Variants in KLB observed in about 807,000 individuals in gnomAD.
KLB encodes beta-klotho.
A neutral mutation model predicts 88.4 loss-of-function variants in KLB; 44 were observed. The ratio of observed to expected loss-of-function variants is 0.50; its 90% CI spans 0.39 to 0.64. The LOEUF (loss-of-function observed/expected upper bound fraction) is 0.64, where lower values mean the gene tolerates loss of function less well. Ranked by LOEUF, KLB falls within the 30% of genes least tolerant of loss-of-function variation. The pLI, the probability that KLB is intolerant of heterozygous loss-of-function variation, is 0.00. For synonymous variants in KLB, 548 were observed against 513.4 expected (o/e 1.07, Z -0.91); for missense variants, 1,137 against 1,304.8 (o/e 0.87, Z 1.98).
rs1742744681 is a variant in KLB at position 39,407,090 on chromosome 4, A to G, written c.141A>G (p.Leu47=). ...TCATCCTGTCAGCACTTATTCTGCT[A>G]CGAGCTGTTACTGGATTCTCTGGAG... ...RSVILSALIL[L]RAVTGFSGDG... The change falls in exon 1 of 5, where the codon CTA becomes CTG. Residue 47 remains leucine, a synonymous_variant. Transcript: ENST00000257408. The G allele has an allele frequency of 6.2e-7, 1 of 1,614,170 alleles. No homozygotes were observed. The highest frequency in any genetic ancestry group is 8.5e-7 in the Non-Finnish European group (1 of 1,179,988).
At chr4:39,434,824 T>G (rs981695680) in intron 2 of KLB, 104 bp downstream of exon 2, 144 of 903,734 alleles carry the variant, frequency 1.6e-4, no homozygotes, top group Non-Finnish European at 2.3e-4. Flanking sequence ...TTTTTTTTTT[T>G]GAAACGGAGT....
intron 1 of KLB, among the ~76,000 whole-genome samples, chr4:39,421,647 C>G (rs1404274512): frequency 6.6e-6 from 1 of 152,028 alleles, no homozygotes; most frequent in Non-Finnish European, 1.5e-5. Flanking sequence ...TCCAGCTACT[C>G]GAGAGACTGA....
At chr4:39,411,262 C>A (rs1742835356) in intron 1 of KLB, among the ~76,000 whole-genome samples, 1 of 150,806 alleles carries the variant, frequency 6.6e-6, no homozygotes, top group Non-Finnish European at 1.5e-5. Flanking sequence ...GTTGGTCAGG[C>A]TGGTCTGGAA....
chr4:39,407,729 G>A lies in KLB; in HGVS notation c.780G>A (p.Lys260=). Residue 260 remains lysine, a synonymous_variant, in exon 1 of 5, where the codon AAG becomes AAA. Coordinates refer to ENST00000257408, the MANE Select transcript of KLB (RefSeq NM_175737.4). ...YGTGMHAPGE[K]GNLAAVYTVG... is the part of the protein sequence containing the mutation. ...CAGGTATGCATGCCCCTGGAGAGAAGGGAAATTTAGCAGCTGTCTACACTG... is the reference window on the plus strand; with the variant it reads ...CAGGTATGCATGCCCCTGGAGAGAAAGGAAATTTAGCAGCTGTCTACACTG... 1 of 1,607,072 alleles carries A rather than the reference G, an allele frequency of 6.2e-7. No individual in the cohort carries two copies. The highest frequency in any genetic ancestry group is 8.5e-7 in the Non-Finnish European group (1 of 1,174,162).
In KLB at chr4:39,437,823, T is replaced by C; in HGVS notation, c.1433T>C (p.Leu478Ser). 1 of 1,614,226 alleles carries C rather than the reference T, an allele frequency of 6.2e-7. No homozygotes were observed. Among genetic ancestry groups the C allele is most frequent in the Non-Finnish European group, 8.5e-7 (1 of 1,180,036 alleles). The stretch of plus-strand genomic sequence containing the variant: ...GATGCTTACACCATCCGCCGAGGAT[T>C]ATTTTATGTGGATTTTAACAGTAAA... Reference protein sequence around the residue: ...WQDAYTIRRGLFYVDFNSKQK... With the variant: ...WQDAYTIRRGSFYVDFNSKQK... Residue 478 changes from leucine to serine, a missense_variant, in exon 3 of 5, where the codon TTA (leucine) becomes TCA (serine). By Grantham distance (145) the Leu-to-Ser change is moderately radical. This residue lies in a region of KLB where 597 missense variants were observed against 765.2 expected (regional missense o/e 0.78). Transcript: ENST00000257408.
rs1743739028 is a variant in KLB at position 39,446,101 on chromosome 4, A to C, written c.1606-231A>C. Among the ~76,000 whole-genome samples the C allele has an allele frequency of 1.3e-5, 2 of 152,308 alleles. No homozygotes were observed. Among genetic ancestry groups the C allele is most frequent in the South Asian group, 4.1e-4 (2 of 4,824 alleles). The stretch of plus-strand genomic sequence containing the variant: ...ATATATAACCTAGGGTTTAAAGTTA[A>C]ATGAACTGGAAAATGGCTTCCCAAT... On this transcript the variant is annotated intron_variant, in intron 3 of 4. Coordinates refer to ENST00000257408, the MANE Select transcript of KLB (RefSeq NM_175737.4). This position sits in a 1 kb window ranked among gnomAD's most constrained non-coding sequence, Gnocchi z 6.4.
intron 1 of KLB, among the ~76,000 whole-genome samples, chr4:39,420,745 G>A (rs1223474002): frequency 6.6e-6 from 1 of 151,990 alleles, no homozygotes; most frequent in Non-Finnish European, 1.5e-5. Flanking sequence ...TGAACTCCTG[G>A]GTTCAAATGA....
intron 1 of KLB, among the ~76,000 whole-genome samples, chr4:39,411,517 C>G (rs915506517): frequency 1.4e-5 from 2 of 144,668 alleles, no homozygotes; most frequent in Non-Finnish European, 3.0e-5. Flanking sequence ...TATTTTTTGG[C>G]TTGGCCATTT....
intron 1 of KLB, among the ~76,000 whole-genome samples, chr4:39,420,183 C>A (rs937471313): frequency 2.0e-5 from 3 of 151,884 alleles, no homozygotes; most frequent in Non-Finnish European, 2.9e-5. Flanking sequence ...AAGCCAGGAT[C>A]TTTTAGTATT....
At chr4:39,424,403 T>C (rs1262608979) in intron 1 of KLB, among the ~76,000 whole-genome samples, 1 of 151,680 alleles carries the variant, frequency 6.6e-6, no homozygotes, top group East Asian at 1.9e-4. Flanking sequence ...AGTCCTTTTT[T>C]TCTAAAGTCT....
At chr4:39,447,695 G>A (rs1553932466) in intron 4 of KLB, among the ~76,000 whole-genome samples, 1 of 152,174 alleles carries the variant, frequency 6.6e-6, no homozygotes, top group Non-Finnish European at 1.5e-5. Flanking sequence ...TGGGCACGTG[G>A]AGAAGTTTTT....
In KLB at chr4:39,407,114, A is replaced by G. The variant is rs1323570820; in HGVS notation, c.165A>G (p.Gly55=). The change falls in exon 1 of 5, where the codon GGA becomes GGG. Residue 55 remains glycine (G), a synonymous_variant. Coordinates refer to ENST00000257408, the MANE Select transcript of KLB (RefSeq NM_175737.4). ...TACGAGCTGTTACTGGATTCTCTGG[A>G]GATGGAAGAGCTATATGGTCTAAAA... ...ILLRAVTGFS[G]DGRAIWSKNP... 6.2e-7 allele frequency: 1 copy of G among 1,614,202 alleles called. No individual in the cohort carries two copies. Among genetic ancestry groups the G allele is most frequent in the South Asian group, 1.1e-5 (1 of 91,088 alleles).
intron 1 of KLB, among the ~76,000 whole-genome samples, chr4:39,432,825 G>A (rs2085572): frequency 1 from 151,969 of 152,240 alleles, 75,849 homozygotes; most frequent in Non-Finnish European, 1. Context: ...GCTCTATTCT[G>A]TGCTACATAT....
chr4:39,431,995 A>T (rs895550154), intron 1 of KLB, among the ~76,000 whole-genome samples: 1 of 152,196 alleles, frequency 6.6e-6, no homozygotes, highest in Non-Finnish European at 1.5e-5. Flanking sequence ...AGAAACACAC[A>T]AATAGTGGGG....
chr4:39,448,690 G>A lies in KLB; in HGVS notation c.*4G>A. Reference sequence around the variant, plus strand: ...AGGCAAGAGAGTTGTTAGCTAAACTGATCTGTCTGCATGATAGACAGTTTA... The same window carrying A: ...AGGCAAGAGAGTTGTTAGCTAAACTAATCTGTCTGCATGATAGACAGTTTA... On this transcript the variant is annotated 3_prime_UTR_variant, in exon 5 of 5. Transcript: ENST00000257408. 5 of 1,603,688 alleles carry A rather than the reference G, an allele frequency of 3.1e-6. No individual in the cohort carries two copies. The highest frequency in any genetic ancestry group is 3.4e-6 in the Non-Finnish European group (4 of 1,178,110).
chr4:39,437,083 C>G (rs1578211502), intron 2 of KLB, among the ~76,000 whole-genome samples: 1 of 152,122 alleles, frequency 6.6e-6, no homozygotes, highest in East Asian at 1.9e-4. Context: ...TAGAAAGGTC[C>G]TTAGAGATCC....
Position 39,451,325 on chromosome 4 carries a change from G to A in KLB, c.*2639G>A, listed in dbSNP as rs1368113571. The A allele has an allele frequency of 6.6e-6, 1 of 152,160 alleles. No homozygotes were observed. Among genetic ancestry groups the A allele is most frequent in the Non-Finnish European group, 1.5e-5 (1 of 68,030 alleles). 9.4% of individuals were successfully genotyped at this position (152,160 alleles called of 1,614,324 possible). A position where few individuals can be genotyped will look rare whatever the true frequency, so the allele number is the denominator to read the frequency against. On this transcript the variant is annotated 3_prime_UTR_variant, in exon 5 of 5. Coordinates refer to ENST00000257408, the MANE Select transcript of KLB (RefSeq NM_175737.4). ...GATAACTCTTGAAAGGAGCAAACAGGTAAGATCTTTGGAGTTTAAGCTTTT... is the reference window on the plus strand; with the variant it reads ...GATAACTCTTGAAAGGAGCAAACAGATAAGATCTTTGGAGTTTAAGCTTTT...
At chr4:39,434,085 C>T (rs1743418453) in intron 1 of KLB, 125 bp from the exon 2 acceptor site, 1 of 894,958 alleles carries the variant, frequency 1.1e-6, no homozygotes, top group African/African-American at 1.7e-5. Flanking sequence ...TCAGGGCTCC[C>T]TGGCAGCTTT....
intron 1 of KLB, among the ~76,000 whole-genome samples, chr4:39,424,751 C>T (rs1490792924): frequency 1.3e-5 from 2 of 152,076 alleles, no homozygotes; most frequent in African/African-American, 2.4e-5. Flanking sequence ...GTTTCAGCCT[C>T]CCTGGTAGCT....
Sources: gnomAD v4.1 joint callset for allele counts (sites outside exome capture counted in the v4.1 genomes callset) on GRCh38, gnomAD v4.1.1 for gene constraint, gnomAD v4.1.1 regional missense constraint, Gnocchi (gnomAD v3.1) non-coding constraint, MANE v1.5 for transcripts, NCBI Gene and HGNC (gene_info 2026-07-23, HGNC 2026-07-21) for gene names.